The following DPP10 variants were observed in gnomAD, a reference collection of about 807,000 sequenced individuals.
The protein encoded by DPP10 is dipeptidyl peptidase like 10.
DPP10 carries 33 observed loss-of-function variants against 120.9 expected under a neutral mutation model. The ratio of observed to expected loss-of-function variants is 0.27; its 90% CI spans 0.21 to 0.37. The LOEUF (loss-of-function observed/expected upper bound fraction) is 0.37. Ranked by LOEUF, DPP10 falls within the 10% of genes least tolerant of loss-of-function variation. The probability of loss-of-function intolerance (pLI) is 1.00; values close to 1 mark genes in which losing one functional copy is unlikely to be tolerated. For synonymous variants in DPP10, 337 were observed against 326.1 expected (o/e 1.03, Z -0.36); for missense variants, 816 against 942.8 (o/e 0.87, Z 1.76).
intron 1 of DPP10, among the ~76,000 whole-genome samples, chr2:115,013,748 G>A (rs1702431867): frequency 6.7e-6 from 1 of 148,572 alleles, no homozygotes; most frequent in African/African-American, 2.5e-5. Flanking sequence ...CAAAGGCTAA[G>A]AAGGGTATTA....
chr2:114,759,054 T>G (rs553446344), intron 1 of DPP10, among the ~76,000 whole-genome samples: 2 of 152,300 alleles, frequency 1.3e-5, no homozygotes, highest in African/African-American at 4.8e-5. Context: ...TCAACAAGAC[T>G]ATTGAGACAA....
At chr2:114,665,235 G>A (rs1049030559) in intron 1 of DPP10, among the ~76,000 whole-genome samples, 6 of 152,108 alleles carry the variant, frequency 3.9e-5, no homozygotes, top group Admixed American at 2.0e-4. Context: ...AGAGAACACC[G>A]CACCCAAGTT....
In DPP10 at chr2:115,493,517, G is replaced by GAAA. The variant is rs35641137; in HGVS notation, c.272-5983_272-5981dup. 3.3e-3 allele frequency among the ~76,000 whole-genome samples: 472 copies of GAAA among 144,338 alleles called. 2 individuals are homozygous for GAAA. Among genetic ancestry groups the GAAA allele is most frequent in the Middle Eastern group, 7.2e-3 (2 of 278 alleles). 94.7% of individuals were successfully genotyped at this position (144,338 alleles called of 152,430 possible). A position where few individuals can be genotyped will look rare whatever the true frequency, so the allele number is the denominator to read the frequency against. ...TAAAATAGTCACTGAAGAGCTGTTG[G>GAAA]AAAAAAAAAAAAGCCTACAGCTGAG... On this transcript the variant is annotated intron_variant, in intron 3 of 25. Coordinates refer to ENST00000410059, the MANE Select transcript of DPP10 (RefSeq NM_020868.6).
intron 7 of DPP10, among the ~76,000 whole-genome samples, chr2:115,719,158 G>T (rs1435696137): frequency 1.3e-5 from 2 of 151,828 alleles, no homozygotes; most frequent in Non-Finnish European, 2.9e-5. Context: ...TATTGGAGTT[G>T]GTCTTTTTGC....
At chr2:115,244,577 T>TGA (rs1323051320) in intron 1 of DPP10, among the ~76,000 whole-genome samples, 2 of 151,778 alleles carry the variant, frequency 1.3e-5, no homozygotes, top group Non-Finnish European at 2.9e-5. Flanking sequence ...AAAATTATAG[T>TGA]GAGAGAGAGA....
At chr2:114,782,345 A>G (rs200336006) in intron 1 of DPP10, among the ~76,000 whole-genome samples, 3 of 143,276 alleles carry the variant, frequency 2.1e-5, no homozygotes, top group East Asian at 2.0e-4. Context: ...ATATATATAT[A>G]TGGAATATAT....
chr2:115,129,817 T>C (rs949996655), intron 1 of DPP10, among the ~76,000 whole-genome samples: 2 of 152,158 alleles, frequency 1.3e-5, no homozygotes, highest in Non-Finnish European at 2.9e-5. Flanking sequence ...ACTCCAGACA[T>C]AGTGATTCAG....
intron 1 of DPP10, among the ~76,000 whole-genome samples, chr2:115,120,927 T>C (rs904484641): frequency 4.6e-5 from 7 of 152,244 alleles, no homozygotes; most frequent in Admixed American, 4.6e-4. Context: ...TTCCTTCTGT[T>C]AAGAAGTTAT....
At chr2:115,019,977 C>G (rs1053226443) in intron 1 of DPP10, among the ~76,000 whole-genome samples, 1 of 152,088 alleles carries the variant, frequency 6.6e-6, no homozygotes, top group African/African-American at 2.4e-5. Context: ...AGAGAATTTC[C>G]CACTACCTAG....
chr2:115,184,267 A>T (rs1044581214), intron 1 of DPP10, among the ~76,000 whole-genome samples: 5 of 152,122 alleles, frequency 3.3e-5, no homozygotes, highest in Admixed American at 2.0e-4. Context: ...TATTATTATT[A>T]TTTCTTCACT....
chr2:115,462,295 G>A (rs1035270109), intron 3 of DPP10, among the ~76,000 whole-genome samples: 2 of 152,014 alleles, frequency 1.3e-5, no homozygotes, highest in East Asian at 3.9e-4. Flanking sequence ...CATTCCCCTG[G>A]AGTTACTGTT....
chr2:115,710,368 G>A (rs1012487356), intron 7 of DPP10, among the ~76,000 whole-genome samples: 6 of 151,946 alleles, frequency 3.9e-5, no homozygotes, highest in African/African-American at 1.2e-4. Flanking sequence ...CAACTATAAC[G>A]ACAAAAATGG....
chr2:115,316,439 C>A (rs970493552), intron 2 of DPP10, among the ~76,000 whole-genome samples: 4 of 152,038 alleles, frequency 2.6e-5, no homozygotes, highest in Admixed American at 2.6e-4. Context: ...TAAACTAATT[C>A]TATGTATTTC....
intron 1 of DPP10, among the ~76,000 whole-genome samples, chr2:115,238,540 G>C (rs115607671): frequency 0.025 from 3,860 of 152,162 alleles, 88 homozygotes; most frequent in Non-Finnish European, 0.036. Context: ...ACTTTGAGTG[G>C]CTCGAGACTT....
At chr2:114,655,510 G>A (rs1696902864) in intron 1 of DPP10, among the ~76,000 whole-genome samples, 1 of 152,172 alleles carries the variant, frequency 6.6e-6, no homozygotes, top group Admixed American at 6.5e-5. Flanking sequence ...ATCCTTCCTT[G>A]ACTAGTGCTC....
chr2:114,940,021 T>C (rs190346457), intron 1 of DPP10, among the ~76,000 whole-genome samples: 22 of 152,284 alleles, frequency 1.4e-4, no homozygotes, highest in Admixed American at 9.2e-4. Context: ...AAGAGACTCT[T>C]CTCTGGTCTC....
intron 3 of DPP10, among the ~76,000 whole-genome samples, chr2:115,381,861 T>G (rs989886108): frequency 4.0e-5 from 6 of 149,332 alleles, no homozygotes; most frequent in African/African-American, 7.4e-5. Flanking sequence ...CAGTTAGGCT[T>G]CTCGGGGGTC....
At chr2:114,652,427 A>T (rs142345335) in intron 1 of DPP10, among the ~76,000 whole-genome samples, 1 of 152,176 alleles carries the variant, frequency 6.6e-6, no homozygotes, top group African/African-American at 2.4e-5. Context: ...GTAAATTTCC[A>T]TGGGAGAAAA....
intron 1 of DPP10, among the ~76,000 whole-genome samples, chr2:114,448,446 G>T (rs183376777): frequency 6.6e-6 from 1 of 152,322 alleles, no homozygotes; most frequent in African/African-American, 2.4e-5. Context: ...GTCTACAAAT[G>T]AAGCATGGAC....
Sources: allele counts gnomAD v4.1 joint callset (sites outside exome capture counted in the v4.1 genomes callset), GRCh38; gene constraint gnomAD v4.1.1; transcripts MANE v1.5; gene names NCBI Gene and HGNC (gene_info 2026-07-23, HGNC 2026-07-21).